The following MYO7B variants were observed in gnomAD, a reference collection of about 807,000 sequenced individuals.
MYO7B encodes unconventional myosin-VIIb.
Under a neutral mutation model 259.7 loss-of-function variants are expected in MYO7B, and 212 were observed. That is an observed-to-expected ratio of 0.82 (90% CI 0.73 to 0.91). MYO7B has a LOEUF of 0.91. Ranked by LOEUF, MYO7B falls within the 40% of genes least tolerant of loss-of-function variation. The pLI, the probability that MYO7B is intolerant of heterozygous loss-of-function variation, is 0.00. For synonymous variants in MYO7B, 1,197 were observed against 1,166.4 expected (o/e 1.03, Z -0.54); for missense variants, 2,732 against 2,813.5 (o/e 0.97, Z 0.66).
intron 41 of MYO7B, 34 bp from the exon 42 acceptor site, chr2:127,634,562 C>A: frequency 6.4e-7 from 1 of 1,571,628 alleles, no homozygotes; most frequent in Admixed American, 1.8e-5. Flanking sequence ...TCCCCGGAAG[C>A]CACCCAACTT....
At chr2:127,580,086 C>G (rs1679039569) in intron 9 of MYO7B, among the ~76,000 whole-genome samples, 2 of 152,180 alleles carry the variant, frequency 1.3e-5, no homozygotes, top group African/African-American at 2.4e-5. Flanking sequence ...GTGGTGCTGA[C>G]TTTATTCTTT....
Position 127,636,879 on chromosome 2 carries a change from G to C in MYO7B, c.6293G>C (p.Gly2098Ala), listed in dbSNP as rs781442775. ...TYFHMALGSL[G>A]RGSRLLCETS... The stretch of plus-strand genomic sequence containing the variant: ...TTCCACATGGCGCTGGGGAGCCTGG[G>C]CCGTGGCAGCCGCCTGCTGTGCGAG... Residue 2098 changes from glycine (G) to alanine (A), a missense_variant, in exon 47 of 48, where the codon GGC (glycine) becomes GCC (alanine). Coordinates refer to ENST00000409816, the MANE Select transcript of MYO7B (RefSeq NM_001393586.1). The surrounding 1 kb of genome is among the most constrained non-coding windows in gnomAD (Gnocchi z 4.5). 9.9e-6 allele frequency: 16 copies of C among 1,613,454 alleles called. No individual in the cohort carries two copies. The African/African-American group carries it at 1.2e-4, about 12-fold the overall frequency.
At position 127,631,256 on chromosome 2, in the gene MYO7B, C is replaced by T. The variant is rs1378236699; in HGVS notation, c.4988C>T (p.Ala1663Val). 1 of 1,611,080 alleles carries T rather than the reference C, an allele frequency of 6.2e-7. No individual in the cohort carries two copies. Among genetic ancestry groups the T allele is most frequent in the Non-Finnish European group, 8.5e-7 (1 of 1,178,710 alleles). The change falls in exon 37 of 48, where the codon GCC (alanine) becomes GTC (valine). Residue 1663 changes from alanine (A) to valine (V), a missense_variant. Ala to Val is a moderately conservative substitution (Grantham distance 64). This residue lies in a region of MYO7B where 821 missense variants were observed against 769.3 expected (regional missense o/e 1.07). Coordinates refer to ENST00000409816, the MANE Select transcript of MYO7B (RefSeq NM_001393586.1). ...VSMAVLPLARARGHLWAYSCE... is the reference protein window; with the variant it reads ...VSMAVLPLARVRGHLWAYSCE... ...ATGGCCGTGCTGCCCCTGGCCCGTG[C>T]CCGTGGCCACCTGTGGGCCTATTCC...
chr2:127,630,719 G>C (rs1681434410), intron 35 of MYO7B, 59 bp from the exon 36 acceptor site: 1 of 1,598,814 alleles, frequency 6.3e-7, no homozygotes, highest in African/African-American at 1.3e-5. Flanking sequence ...GGAGGAGCCT[G>C]CAGGAAGGGC....
intron 1 of MYO7B, among the ~76,000 whole-genome samples, chr2:127,555,781 T>C (rs1693613008): frequency 6.6e-6 from 1 of 152,216 alleles, no homozygotes; most frequent in African/African-American, 2.4e-5. Flanking sequence ...AATTTCAATT[T>C]TCTTAAATTT....
intron 5 of MYO7B, 58 bp from the exon 6 acceptor site, chr2:127,569,731 A>C: frequency 6.4e-7 from 1 of 1,564,474 alleles, no homozygotes; most frequent in Non-Finnish European, 8.7e-7. Context: ...GAGAGTTGAG[A>C]GGTGTTGAAA....
At chr2:127,622,892 A>G (rs1680909270) in intron 28 of MYO7B, among the ~76,000 whole-genome samples, 1 of 152,232 alleles carries the variant, frequency 6.6e-6, no homozygotes, top group Admixed American at 6.5e-5. Context: ...CACCAAGCTC[A>G]GGATTCTCAT....
intron 4 of MYO7B, 32 bp from the exon 5 acceptor site, chr2:127,566,611 C>T: frequency 6.5e-7 from 1 of 1,527,334 alleles, no homozygotes; most frequent in Non-Finnish European, 8.8e-7. Flanking sequence ...CTGCCAGGGG[C>T]AGAGGGCACT....
Position 127,584,261 on chromosome 2 carries a change from A to G in MYO7B, c.1483A>G (p.Thr495Ala), listed in dbSNP as rs1271930294. The stretch of plus-strand genomic sequence containing the variant: ...TATCCACTACACCGACAATCGGCCC[A>G]CCCTGGACCTGCTGGCCCTCAAGCC... ...DYIHYTDNRP[T>A]LDLLALKPMS... The change falls in exon 13 of 48, where the codon ACC becomes GCC. Residue 495 changes from threonine (T) to alanine (A), a missense_variant. This residue lies in a region of MYO7B where 1,906 missense variants were observed against 2,026.4 expected (regional missense o/e 0.94). Transcript: ENST00000409816. The surrounding 1 kb of genome is among the most constrained non-coding windows in gnomAD (Gnocchi z 5.8). 6.2e-7 allele frequency: 1 copy of G among 1,613,914 alleles called. No individual in the cohort carries two copies. The highest frequency in any genetic ancestry group is 1.7e-5 in the Admixed American group (1 of 60,020).
chr2:127,575,662 G>A (rs1324429170), intron 7 of MYO7B, among the ~76,000 whole-genome samples: 1 of 152,172 alleles, frequency 6.6e-6, no homozygotes, highest in Non-Finnish European at 1.5e-5. Flanking sequence ...TCTGGGGCGG[G>A]GAGGAGGGGA....
chr2:127,588,288 G>A, intron 14 of MYO7B, 104 bp from the exon 15 acceptor site: 3 of 1,328,820 alleles, frequency 2.3e-6, no homozygotes, highest in Admixed American at 4.3e-5. Context: ...TGTAGGAGGG[G>A]GCTCCTCCAC....
At chr2:127,598,626 C>T (rs553428509) in intron 19 of MYO7B, among the ~76,000 whole-genome samples, 1 of 152,278 alleles carries the variant, frequency 6.6e-6, no homozygotes, top group Admixed American at 6.5e-5. Context: ...ATAGATCGTG[C>T]TTTTAGTGTT....
At chr2:127,544,641 C>A (rs1347115677) in intron 1 of MYO7B, among the ~76,000 whole-genome samples, 1 of 140,264 alleles carries the variant, frequency 7.1e-6, no homozygotes. Context: ...AGTGCAGTGG[C>A]GCTATCTCGG....
rs2252610 is a variant in MYO7B, at chr2:127,609,061, G to A, written c.2814+183G>A. 6.6e-6 allele frequency among the ~76,000 whole-genome samples: 1 copy of A among 151,972 alleles called. No homozygotes were observed. The highest frequency in any genetic ancestry group is 1.5e-5 in the Non-Finnish European group (1 of 67,962). On this transcript the variant is annotated intron_variant, in intron 22 of 47. Coordinates refer to ENST00000409816, the MANE Select transcript of MYO7B (RefSeq NM_001393586.1). The surrounding 1 kb of genome is among the most constrained non-coding windows in gnomAD (Gnocchi z 6.9). ...CGTGGGTTCTGTGGTCAAAGCCTTC[G>A]AGTCAGGCAGGCTTCCCACCTGCAA...
chr2:127,604,108 G>A (rs1306971939), intron 19 of MYO7B, among the ~76,000 whole-genome samples: 1 of 152,180 alleles, frequency 6.6e-6, no homozygotes, highest in African/African-American at 2.4e-5. Context: ...ACTCCAGCCT[G>A]GGCGACAGAG....
chr2:127,623,068 G>A, intron 28 of MYO7B, 134 bp from the exon 29 acceptor site: 1 of 1,048,066 alleles, frequency 9.5e-7, no homozygotes, highest in Non-Finnish European at 1.4e-6. Flanking sequence ...GCTTCAGAGG[G>A]CCCACCCCTG....
At position 127,609,724 on chromosome 2, in the gene MYO7B, GT is replaced by G; in HGVS notation, c.3024+11del. On this transcript the variant is annotated intron_variant, in intron 23 of 47. Coordinates refer to ENST00000409816, the MANE Select transcript of MYO7B (RefSeq NM_001393586.1). The surrounding 1 kb of genome is among the most constrained non-coding windows in gnomAD (Gnocchi z 6.9). The stretch of plus-strand genomic sequence containing the variant: ...ATGACACTGACTGCTTGGTACCAGG[GT>G]TCACTGGCTTCTAGTGGATCAGGCC... The G allele has an allele frequency of 1.2e-6, 2 of 1,613,938 alleles. No homozygotes were observed. Among genetic ancestry groups the G allele is most frequent in the Non-Finnish European group, 1.7e-6 (2 of 1,179,844 alleles).
chr2:127,566,650 C>T lies in MYO7B; in HGVS notation c.293C>T (p.Thr98Ile). Residue 98 changes from threonine (T) to isoleucine (I), a missense_variant, in exon 5 of 48, where the codon ACA (threonine) becomes ATA (isoleucine). Physicochemically the swap from Thr to Ile is moderately conservative, Grantham distance 89. This residue lies in a region of MYO7B where 1,906 missense variants were observed against 2,026.4 expected (regional missense o/e 0.94). Coordinates refer to ENST00000409816, the MANE Select transcript of MYO7B (RefSeq NM_001393586.1). ...CACCTGCTTCCTTCCCAGACATACACAGGCTCCATCCTGGTGGCCGTCAAC... is the reference window on the plus strand; with the variant it reads ...CACCTGCTTCCTTCCCAGACATACATAGGCTCCATCCTGGTGGCCGTCAAC... ...RYQQHKIYTY[T>I]GSILVAVNPF... 6.3e-7 allele frequency: 1 copy of T among 1,585,784 alleles called. No individual in the cohort carries two copies. Among genetic ancestry groups the T allele is most frequent in the South Asian group, 1.1e-5 (1 of 87,290 alleles).
In MYO7B at chr2:127,632,345, T is replaced by G. The variant is rs751429513; in HGVS notation, c.5349T>G (p.Thr1783=). 18 of 1,600,942 alleles carry G rather than the reference T, an allele frequency of 1.1e-5. No individual in the cohort carries two copies. In the South Asian group the frequency reaches 1.6e-4, roughly 14 times the overall value. Residue 1783 remains threonine (T), a synonymous_variant, in exon 39 of 48, where the codon ACT becomes ACG. Coordinates refer to ENST00000409816, the MANE Select transcript of MYO7B (RefSeq NM_001393586.1). ...CCCATGCCCAGAAGTTTATAGACAC[T>G]CGGAGGGGGAAGCTGCTGGCCCCCG... The part of the protein sequence containing the change: ...LLPHAQKFID[T]RRGKLLAPDC...
Sources: allele counts gnomAD v4.1 joint callset (sites outside exome capture counted in the v4.1 genomes callset), GRCh38; gene constraint gnomAD v4.1.1; regional missense constraint gnomAD v4.1.1; non-coding constraint Gnocchi (gnomAD v3.1); transcripts MANE v1.5; gene names NCBI Gene and HGNC (gene_info 2026-07-23, HGNC 2026-07-21).